GRM5: variants seen among roughly 807,000 people sequenced by gnomAD.
GRM5 encodes glutamate metabotropic receptor 5, also known as metabotropic glutamate receptor 5.
GRM5 carries 19 observed loss-of-function variants against 83.1 expected under a neutral mutation model. The ratio of observed to expected loss-of-function variants is 0.23; its 90% CI spans 0.16 to 0.34. The LOEUF (loss-of-function observed/expected upper bound fraction) is 0.34. Among genes scored for constraint, GRM5 ranks in the 10% least tolerant of loss-of-function variants. The pLI is 1.00. For synonymous variants in GRM5, 675 were observed against 633.6 expected (o/e 1.07, Z -0.98); for missense variants, 1,160 against 1,588.3 (o/e 0.73, Z 4.58).
intron 3 of GRM5, among the ~76,000 whole-genome samples, chr11:88,738,350 C>G (rs1235762798): frequency 2.6e-5 from 4 of 152,008 alleles, no homozygotes; most frequent in African/African-American, 4.8e-5. Context: ...CAGAATTGCA[C>G]TTGAAATGCT....
At chr11:88,809,263 G>A (rs1337895346) in intron 3 of GRM5, among the ~76,000 whole-genome samples, 4 of 151,956 alleles carry the variant, frequency 2.6e-5, no homozygotes, top group African/African-American at 9.7e-5. Context: ...ATTTTCTTAT[G>A]TTTCATCAGA....
In GRM5 at chr11:88,604,939, A is replaced by G; in HGVS notation, c.1173T>C (p.His391=). 6.2e-7 allele frequency: 1 copy of G among 1,613,006 alleles called. No individual in the cohort carries two copies. Among genetic ancestry groups the G allele is most frequent in the South Asian group, 1.1e-5 (1 of 91,050 alleles). ...CNSSLTLKTH[H]VQDSKMGFVI... ...CAAATCCCATTTTGGAATCCTGAAC[A>G]TGATGTGTTTTCAGAGTCAGAGAAC... The change falls in exon 5 of 10, where the codon CAT becomes CAC. Residue 391 remains histidine, a synonymous_variant. Transcript: ENST00000305447.
intron 3 of GRM5, among the ~76,000 whole-genome samples, chr11:88,672,533 A>T (rs1023710448): frequency 6.6e-6 from 1 of 151,944 alleles, no homozygotes; most frequent in African/African-American, 2.4e-5. Flanking sequence ...TATTTTTTAT[A>T]AGTTGATATC....
At chr11:88,948,584 A>T (rs1193776237) in intron 2 of GRM5, among the ~76,000 whole-genome samples, 1 of 152,244 alleles carries the variant, frequency 6.6e-6, no homozygotes, top group Non-Finnish European at 1.5e-5. Flanking sequence ...TTCAAGTTTG[A>T]GAATTCATAA....
chr11:88,571,234 T>G (rs1942994312), intron 7 of GRM5, among the ~76,000 whole-genome samples: 1 of 152,208 alleles, frequency 6.6e-6, no homozygotes, highest in South Asian at 2.1e-4. Context: ...CTTATTAACA[T>G]CTGTGTGAAA....
At chr11:88,593,626 C>T (rs1283820411) in intron 6 of GRM5, among the ~76,000 whole-genome samples, 1 of 149,170 alleles carries the variant, frequency 6.7e-6, no homozygotes, top group East Asian at 2.1e-4. Context: ...TGCAGTGAGC[C>T]GAGATCGCGC....
chr11:88,907,036 A>G (rs935644710), intron 2 of GRM5, among the ~76,000 whole-genome samples: 11 of 151,958 alleles, frequency 7.2e-5, no homozygotes, highest in Non-Finnish European at 1.2e-4. Context: ...GCTAACAGGG[A>G]AAGAATCCTG....
chr11:88,763,030 C>A (rs117642836), intron 3 of GRM5, among the ~76,000 whole-genome samples: 110 of 151,642 alleles, frequency 7.3e-4, no homozygotes, highest in Middle Eastern at 3.4e-3. Context: ...GGGGTTGGAG[C>A]GGGAAAGGAG....
At chr11:88,966,031 TA>T (rs1313229691) in intron 2 of GRM5, among the ~76,000 whole-genome samples, 5 of 152,050 alleles carry the variant, frequency 3.3e-5, no homozygotes, top group African/African-American at 7.2e-5. Flanking sequence ...TTTACGAAAG[TA>T]AAAATCATAC....
At chr11:89,041,451 T>C (rs988847701) in intron 2 of GRM5, among the ~76,000 whole-genome samples, 2 of 152,242 alleles carry the variant, frequency 1.3e-5, no homozygotes, top group African/African-American at 2.4e-5. Context: ...TAGTCTCTTA[T>C]AGGTGAGCCA....
At chr11:88,739,892 T>C (rs1218830003) in intron 3 of GRM5, among the ~76,000 whole-genome samples, 1 of 152,062 alleles carries the variant, frequency 6.6e-6, no homozygotes, top group African/African-American at 2.4e-5. Context: ...TTACAGAATA[T>C]AGCACAATTT....
intron 5 of GRM5, among the ~76,000 whole-genome samples, chr11:88,599,339 CAATG>C (rs1469778139): frequency 6.6e-6 from 1 of 152,160 alleles, no homozygotes; most frequent in African/African-American, 2.4e-5. Context: ...ACATTAGAGA[CAATG>C]AATCCTCTCT....
At chr11:88,933,325 T>C (rs1157988392) in intron 2 of GRM5, among the ~76,000 whole-genome samples, 1 of 151,182 alleles carries the variant, frequency 6.6e-6, no homozygotes, top group African/African-American at 2.4e-5. Context: ...AATGAAGGTG[T>C]AAGTGAAAGT....
At chr11:88,935,355 G>C (rs1479920264) in intron 2 of GRM5, among the ~76,000 whole-genome samples, 1 of 151,762 alleles carries the variant, frequency 6.6e-6, no homozygotes, top group African/African-American at 2.4e-5. Context: ...GTGTATGTGT[G>C]TGTGTGTATA....
At chr11:88,526,480 C>G (rs1941880342) in intron 8 of GRM5, among the ~76,000 whole-genome samples, 1 of 152,130 alleles carries the variant, frequency 6.6e-6, no homozygotes, top group African/African-American at 2.4e-5. Context: ...TTGCAGGGGC[C>G]CAGAGCTCTT....
chr11:88,653,484 A>G, intron 3 of GRM5, 81 bp from the exon 4 acceptor site: 1 of 892,646 alleles, frequency 1.1e-6, no homozygotes. Context: ...TTTTGACAAG[A>G]TTAGTCATTA....
chr11:89,034,281 C>G (rs912798422), intron 2 of GRM5, among the ~76,000 whole-genome samples: 4 of 151,746 alleles, frequency 2.6e-5, no homozygotes, highest in Non-Finnish European at 5.9e-5. Flanking sequence ...TGAATCAGAG[C>G]CATTCAATAG....
At chr11:88,919,226 C>A (rs1945645517) in intron 2 of GRM5, among the ~76,000 whole-genome samples, 1 of 35,870 alleles carries the variant, frequency 2.8e-5, no homozygotes. Flanking sequence ...ATTCGAAGAA[C>A]AGCAGGAGTA....
chr11:88,604,962 A>C lies in GRM5; in HGVS notation c.1150T>G (p.Ser384Ala), dbSNP rs201208091. The C allele has an allele frequency of 2.5e-6, 4 of 1,611,926 alleles. No homozygotes were observed. The highest frequency in any genetic ancestry group is 2.5e-6 in the Non-Finnish European group (3 of 1,178,280). Reference protein sequence around the residue: ...NSKYNKTCNSSLTLKTHHVQD... With the variant: ...NSKYNKTCNSALTLKTHHVQD... The stretch of plus-strand genomic sequence containing the variant: ...ACATGATGTGTTTTCAGAGTCAGAG[A>C]ACCTGTTGGGAAACAAATTAAGCAT... The change falls in exon 5 of 10, where the codon TCT (serine) becomes GCT (alanine). Residue 384 changes from serine (S) to alanine (A), a missense_variant and splice_region_variant. Transcript: ENST00000305447.
Sources: allele counts gnomAD v4.1 joint callset (sites outside exome capture counted in the v4.1 genomes callset), GRCh38; gene constraint gnomAD v4.1.1; transcripts MANE v1.5; gene names NCBI Gene and HGNC (gene_info 2026-07-23, HGNC 2026-07-21).